LHPP: variants seen among roughly 807,000 people sequenced by gnomAD.
LHPP encodes the protein phospholysine phosphohistidine inorganic pyrophosphate phosphatase.
A neutral mutation model predicts 30.3 loss-of-function variants in LHPP; 24 were observed. The ratio of observed to expected loss-of-function variants is 0.79; its 90% CI spans 0.57 to 1.11. The LOEUF is 1.11. Ranked by LOEUF, LHPP falls within the 50% of genes most tolerant of loss-of-function variation. The probability of loss-of-function intolerance (pLI) is 0.00; values close to 1 mark genes in which losing one functional copy is unlikely to be tolerated. For synonymous variants in LHPP, 150 were observed against 157.1 expected (o/e 0.95, Z 0.34); for missense variants, 356 against 367.2 (o/e 0.97, Z 0.25).
chr10:124,600,723 T>C (rs897290), intron 6 of LHPP, among the ~76,000 whole-genome samples: 140,970 of 152,232 alleles, frequency 0.93, 65,466 homozygotes, highest in East Asian at 1. Flanking sequence ...CTGCCCATCA[T>C]TCCTCCACTC....
rs143956341 is a variant in LHPP, at chr10:124,479,107, G to T, written c.126-5032G>T. On this transcript the variant is annotated intron_variant, in intron 1 of 6. Transcript: ENST00000368842. ...AAAAGATCCAGTTTGGCTACAGGAA[G>T]TGGGAGCAAATCCCCACTCCCATGG... is the stretch of plus-strand genomic sequence containing the variant. 3.6e-3 allele frequency among the ~76,000 whole-genome samples: 550 copies of T among 152,058 alleles called. 3 individuals carry two copies. The highest frequency in any genetic ancestry group is 0.013 in the African/African-American group (524 of 41,472).
In LHPP at chr10:124,523,688, C is replaced by G. The variant is rs1954664149; in HGVS notation, c.716+6417C>G. On this transcript the variant is annotated intron_variant, in intron 6 of 6. Transcript: ENST00000368842. This position sits in a 1 kb window ranked among gnomAD's most constrained non-coding sequence, Gnocchi z 4.2. Reference sequence around the variant, plus strand: ...GCTGTGGTGGCCCTGGTCAGCCTTCCAGGAGTCAGGACCCTCCTGCTGCCC... The same window carrying G: ...GCTGTGGTGGCCCTGGTCAGCCTTCGAGGAGTCAGGACCCTCCTGCTGCCC... Among the ~76,000 whole-genome samples the G allele has an allele frequency of 6.6e-6, 1 of 152,180 alleles. No individual in the cohort carries two copies. Among genetic ancestry groups the G allele is most frequent in the Admixed American group, 6.5e-5 (1 of 15,286 alleles).
At chr10:124,550,346 T>C (rs12772807) in intron 6 of LHPP, among the ~76,000 whole-genome samples, 1 of 152,212 alleles carries the variant, frequency 6.6e-6, no homozygotes, top group Non-Finnish European at 1.5e-5. Context: ...TGTCCCCCCT[T>C]CTCCCCCGAC....
At chr10:124,561,095 C>T (rs1426582953) in intron 6 of LHPP, among the ~76,000 whole-genome samples, 9 of 152,176 alleles carry the variant, frequency 5.9e-5, no homozygotes, top group African/African-American at 1.7e-4. Flanking sequence ...ACATCTCAGA[C>T]GTGGAGCTGA....
chr10:124,589,774 C>T (rs1251910825), intron 6 of LHPP, among the ~76,000 whole-genome samples: 1 of 152,254 alleles, frequency 6.6e-6, no homozygotes, highest in African/African-American at 2.4e-5. Flanking sequence ...GAGGTCGGCT[C>T]TCGTTCAGGC....
chr10:124,523,128 CG>C lies in LHPP; in HGVS notation c.716+5859del, dbSNP rs1290874864. Among the ~76,000 whole-genome samples, 1 of 152,240 alleles carries C rather than the reference CG, an allele frequency of 6.6e-6. No individual in the cohort carries two copies. Among genetic ancestry groups the C allele is most frequent in the Non-Finnish European group, 1.5e-5 (1 of 68,050 alleles). On this transcript the variant is annotated intron_variant, in intron 6 of 6. Coordinates refer to ENST00000368842, the MANE Select transcript of LHPP (RefSeq NM_022126.4). The surrounding 1 kb of genome is among the most constrained non-coding windows in gnomAD (Gnocchi z 4.2). ...CTGCTGTGTAAATAAAGCCGCGATG[CG>C]GAGCTCGCCTCTGGTCTTCTCTTAT...
intron 6 of LHPP, among the ~76,000 whole-genome samples, chr10:124,565,645 C>T (rs1242794115): frequency 1.3e-5 from 2 of 152,212 alleles, no homozygotes; most frequent in East Asian, 1.9e-4. Context: ...CCACGCCGTG[C>T]GCCCCAGGCG....
intron 3 of LHPP, chr10:124,490,400 C>T (rs1953485446): frequency 1.5e-5 from 5 of 329,646 alleles, no homozygotes; most frequent in South Asian, 1.2e-4. Context: ...TCCAGGCAAA[C>T]TCCTTCCTGC....
intron 6 of LHPP, among the ~76,000 whole-genome samples, chr10:124,610,192 T>C (rs185611042): frequency 7.2e-5 from 11 of 152,154 alleles, no homozygotes; most frequent in Admixed American, 3.9e-4. Context: ...TCAATGCCCC[T>C]CTCCTAGATC....
chr10:124,540,708 G>A (rs1202246181), intron 6 of LHPP, among the ~76,000 whole-genome samples: 2 of 152,154 alleles, frequency 1.3e-5, no homozygotes, highest in Non-Finnish European at 2.9e-5. Context: ...TCCAGCAGCA[G>A]CAGAGAGAAA....
At chr10:124,570,418 C>G (rs982652335) in intron 6 of LHPP, among the ~76,000 whole-genome samples, 3 of 152,202 alleles carry the variant, frequency 2.0e-5, no homozygotes, top group African/African-American at 7.2e-5. Context: ...GAGGTTGTCC[C>G]CAAATCAGAG....
At chr10:124,492,046 C>A (rs530598796) in intron 3 of LHPP, among the ~76,000 whole-genome samples, 14 of 152,302 alleles carry the variant, frequency 9.2e-5, no homozygotes, top group Admixed American at 2.0e-4. Flanking sequence ...CAATACGGAG[C>A]CTCACATTCC....
At chr10:124,521,888 A>G (rs921441739) in intron 6 of LHPP, among the ~76,000 whole-genome samples, 3 of 151,346 alleles carry the variant, frequency 2.0e-5, no homozygotes, top group Admixed American at 6.6e-5. Flanking sequence ...CACACACACA[A>G]TTGTTTCTGA....
intron 6 of LHPP, among the ~76,000 whole-genome samples, chr10:124,612,521 C>A (rs554002743): frequency 5.3e-5 from 8 of 152,246 alleles, no homozygotes; most frequent in Non-Finnish European, 1.0e-4. Context: ...TGCCTGCCTT[C>A]AGGACTCAGC....
At chr10:124,481,769 C>T (rs925472159) in intron 1 of LHPP, among the ~76,000 whole-genome samples, 10 of 152,128 alleles carry the variant, frequency 6.6e-5, no homozygotes, top group Non-Finnish European at 1.0e-4. Flanking sequence ...TCTTTCTATC[C>T]GAGAGGGTGG....
At chr10:124,568,075 G>A (rs796998059) in intron 6 of LHPP, among the ~76,000 whole-genome samples, 43 of 152,078 alleles carry the variant, frequency 2.8e-4, no homozygotes, top group African/African-American at 9.9e-4. Flanking sequence ...CACCACGCCC[G>A]GCTAATTTTT....
intron 1 of LHPP, among the ~76,000 whole-genome samples, chr10:124,479,188 A>G (rs1470337705): frequency 6.6e-6 from 1 of 152,100 alleles, no homozygotes. Flanking sequence ...CAGAGGGGCT[A>G]TCTGGCAGCC....
intron 6 of LHPP, among the ~76,000 whole-genome samples, chr10:124,603,166 T>C (rs1949047801): frequency 6.6e-6 from 1 of 152,190 alleles, no homozygotes; most frequent in Non-Finnish European, 1.5e-5. Flanking sequence ...ACACCTGCAG[T>C]GCGCTCATGC....
At chr10:124,562,930 C>A in intron 6 of LHPP, among the ~76,000 whole-genome samples, 1 of 142,692 alleles carries the variant, frequency 7.0e-6, no homozygotes. Flanking sequence ...AGAAAGATAC[C>A]ATCTAAAAAA....
Sources: gnomAD v4.1 joint callset for allele counts (sites outside exome capture counted in the v4.1 genomes callset) on GRCh38, gnomAD v4.1.1 for gene constraint, Gnocchi (gnomAD v3.1) non-coding constraint, MANE v1.5 for transcripts, NCBI Gene and HGNC (gene_info 2026-07-23, HGNC 2026-07-21) for gene names.